Variants in FRMPD4 observed in about 807,000 individuals in gnomAD.
FRMPD4 encodes the protein FERM and PDZ domain containing 4, also known as FERM and PDZ domain-containing protein 4.
Under a neutral mutation model 94.1 loss-of-function variants are expected in FRMPD4, and 22 were observed. The observed-to-expected ratio is 0.23, with a 90% confidence interval of 0.17 to 0.33. The LOEUF (loss-of-function observed/expected upper bound fraction) is 0.33, where lower values mean the gene tolerates loss of function less well. Ranked by LOEUF, FRMPD4 falls within the 10% of genes least tolerant of loss-of-function variation. FRMPD4 has a pLI of 1.00. For synonymous variants in FRMPD4, 631 were observed against 548.6 expected (o/e 1.15, Z -2.10); for missense variants, 1,111 against 1,339.9 (o/e 0.83, Z 2.67).
intron 1 of FRMPD4, among the ~76,000 whole-genome samples, chrX:12,232,066 C>T (rs1167562301): frequency 9.0e-6 from 1 of 111,307 alleles, no homozygotes; most frequent in African/African-American, 3.3e-5. Context: ...CCAAGCAAAA[C>T]GGACTGTATG....
At chrX:12,370,571 C>T (rs1408473688) in intron 1 of FRMPD4, among the ~76,000 whole-genome samples, 1 of 112,157 alleles carries the variant, frequency 8.9e-6, no homozygotes, top group Admixed American at 9.5e-5. Context: ...GGCAGTGTCT[C>T]TCTCCAAGAT....
intron 1 of FRMPD4, among the ~76,000 whole-genome samples, chrX:12,178,868 G>A (rs1399356270): frequency 1.8e-5 from 2 of 112,104 alleles, no homozygotes; most frequent in East Asian, 5.6e-4. Flanking sequence ...ATGCTTCTGA[G>A]ATGTGCCAGT....
At chrX:12,519,209 A>G (rs2058135268) in intron 2 of FRMPD4, among the ~76,000 whole-genome samples, 1 of 112,569 alleles carries the variant, frequency 8.9e-6, no homozygotes, top group Non-Finnish European at 1.9e-5. Context: ...TAATTTTTGT[A>G]TGACAGCTCA....
chrX:12,671,238 T>C (rs1192202199), intron 4 of FRMPD4, among the ~76,000 whole-genome samples: 2 of 111,841 alleles, frequency 1.8e-5, no homozygotes, highest in Non-Finnish European at 3.8e-5. Context: ...TTACTGAGTA[T>C]ATACCCAAAG....
chrX:11,916,511 C>A (rs1285773655), intron 3 of FRMPD4, among the ~76,000 whole-genome samples: 1 of 110,510 alleles, frequency 9.0e-6, no homozygotes, highest in African/African-American at 3.3e-5. Context: ...AGTGTTGGTA[C>A]GTGTTCAGCA....
chrX:12,253,187 T>C (rs1464673027), intron 1 of FRMPD4, among the ~76,000 whole-genome samples: 1 of 111,883 alleles, frequency 8.9e-6, no homozygotes, highest in Admixed American at 9.4e-5. Context: ...CCAGTCCTTC[T>C]TAAAGGTAGA....
At chrX:12,270,135 G>C (rs915302349) in intron 1 of FRMPD4, among the ~76,000 whole-genome samples, 6 of 111,439 alleles carry the variant, frequency 5.4e-5, no homozygotes, top group Non-Finnish European at 1.1e-4. Context: ...TCATCTACTG[G>C]CTATGGGCCA....
intron 3 of FRMPD4, among the ~76,000 whole-genome samples, chrX:11,988,070 G>T (rs2054442450): frequency 9.3e-6 from 1 of 107,876 alleles, no homozygotes; most frequent in African/African-American, 3.3e-5. Context: ...CTTCTTCACA[G>T]AAATAGAAAA....
At chrX:12,482,546 G>A (rs751496406) in intron 1 of FRMPD4, among the ~76,000 whole-genome samples, 25 of 111,997 alleles carry the variant, frequency 2.2e-4, no homozygotes, top group African/African-American at 7.4e-4. Context: ...TTAGCAAAAG[G>A]AATGGGGGTT....
intron 13 of FRMPD4, among the ~76,000 whole-genome samples, chrX:12,708,125 A>G (rs375836987): frequency 8.9e-6 from 1 of 111,745 alleles, no homozygotes; most frequent in South Asian, 3.8e-4. Context: ...TATGGTAGCA[A>G]TTGGTACTGA....
intron 1 of FRMPD4, among the ~76,000 whole-genome samples, chrX:12,304,324 G>A (rs1167801536): frequency 1.8e-5 from 2 of 110,913 alleles, no homozygotes; most frequent in African/African-American, 6.6e-5. Flanking sequence ...CAGCACTATT[G>A]ACATTAGAGG....
At chrX:11,883,436 G>GGCT (rs1325217782) in intron 3 of FRMPD4, among the ~76,000 whole-genome samples, 1 of 111,533 alleles carries the variant, frequency 9.0e-6, no homozygotes, top group African/African-American at 3.3e-5. Context: ...TTTGGTAAAA[G>GGCT]GCTCTCTAAT....
At chrX:12,281,193 A>G (rs979482556) in intron 1 of FRMPD4, among the ~76,000 whole-genome samples, 8 of 111,244 alleles carry the variant, frequency 7.2e-5, no homozygotes, top group Admixed American at 1.9e-4. Context: ...CTGGCTTTCT[A>G]TTCTCTACAG....
At chrX:12,064,987 T>C (rs758161807) in intron 3 of FRMPD4, among the ~76,000 whole-genome samples, 1 of 112,197 alleles carries the variant, frequency 8.9e-6, no homozygotes, top group African/African-American at 3.2e-5. Context: ...TATGTCAGTG[T>C]GCATATTAAT....
intron 10 of FRMPD4, among the ~76,000 whole-genome samples, chrX:12,702,896 A>G (rs1260544530): frequency 2.7e-5 from 3 of 112,644 alleles, no homozygotes; most frequent in African/African-American, 9.7e-5. Flanking sequence ...CTTGGCTCAC[A>G]AAGAGATCTC....
At chrX:12,318,924 C>T (rs1388004386) in intron 1 of FRMPD4, among the ~76,000 whole-genome samples, 4 of 109,717 alleles carry the variant, frequency 3.6e-5, no homozygotes, top group Non-Finnish European at 5.7e-5. Flanking sequence ...GGGAAAGCAC[C>T]GGGAATTTTT....
At chrX:12,315,338 G>A in intron 1 of FRMPD4, among the ~76,000 whole-genome samples, 1 of 112,193 alleles carries the variant, frequency 8.9e-6, no homozygotes. Context: ...ATAGTATTGG[G>A]TTAATCTTCC....
chrX:12,362,595 C>CAGTCTA (rs894094024), intron 1 of FRMPD4, among the ~76,000 whole-genome samples: 2 of 111,331 alleles, frequency 1.8e-5, no homozygotes, highest in African/African-American at 6.6e-5. Context: ...TTTCTTAACC[C>CAGTCTA]AGTCTATCGT....
intron 3 of FRMPD4, among the ~76,000 whole-genome samples, chrX:11,999,328 C>T (rs1472770858): frequency 8.9e-6 from 1 of 111,833 alleles, no homozygotes; most frequent in Non-Finnish European, 1.9e-5. Flanking sequence ...TATACAACAT[C>T]CAAACTGAAT....
Sources: gnomAD v4.1 joint callset for allele counts (sites outside exome capture counted in the v4.1 genomes callset) on GRCh38, gnomAD v4.1.1 for gene constraint, MANE v1.5 for transcripts, NCBI Gene and HGNC (gene_info 2026-07-23, HGNC 2026-07-21) for gene names.